The following TUSC3 variants were observed in gnomAD, a reference collection of about 807,000 sequenced individuals.
TUSC3 encodes dolichyl-diphosphooligosaccharide--protein glycosyltransferase subunit TUSC3.
Under a neutral mutation model 44.8 loss-of-function variants are expected in TUSC3, and 45 were observed. The observed-to-expected ratio is 1.00, with a 90% CI of 0.79 to 1.29. The LOEUF is 1.29. TUSC3 is among the 50% of genes most tolerant of loss of function. The pLI is 0.00. For missense variants in TUSC3, 519 were observed against 437.9 expected (o/e 1.19, Z -1.65); for synonymous variants, 212 against 152.9 (o/e 1.39, Z -2.85).
the TUSC3 span, among the ~76,000 whole-genome samples, chr8:15,824,085 T>C: frequency 6.6e-6 from 1 of 152,174 alleles, no homozygotes; most frequent in African/African-American, 2.4e-5. Flanking sequence ...AGCTGCATTT[T>C]AGAAGGAGGA....
chr8:15,823,778 A>G, the TUSC3 span, among the ~76,000 whole-genome samples: 1 of 144,694 alleles, frequency 6.9e-6, no homozygotes, highest in Non-Finnish European at 1.5e-5. Context: ...ACTAAATCAA[A>G]CAGAGACTGG....
chr8:15,444,248 G>A (rs956581025), intron 1 of TUSC3, among the ~76,000 whole-genome samples: 2 of 152,170 alleles, frequency 1.3e-5, no homozygotes, highest in African/African-American at 4.8e-5. Flanking sequence ...TGCTGTTAAA[G>A]ACAAGACTCT....
the TUSC3 span, among the ~76,000 whole-genome samples, chr8:15,833,105 T>C: frequency 3.9e-5 from 6 of 152,026 alleles, no homozygotes; most frequent in African/African-American, 4.8e-5. Flanking sequence ...AGCATATAAG[T>C]AAAAGCTCAA....
At chr8:15,512,931 CATATATATATAT>C (rs10696221) in intron 2 of TUSC3, among the ~76,000 whole-genome samples, 2,507 of 110,548 alleles carry the variant, frequency 0.023, 129 homozygotes, top group African/African-American at 0.096. Context: ...TATATATAAT[CATATATATATAT>C]ATATATATAT....
At chr8:15,480,109 C>G (rs756529044) in intron 1 of TUSC3, among the ~76,000 whole-genome samples, 1 of 152,106 alleles carries the variant, frequency 6.6e-6, no homozygotes, top group Non-Finnish European at 1.5e-5. Context: ...TGAAGGACCT[C>G]TTCAAAGAGA....
chr8:15,772,779 G>A, the TUSC3 span, among the ~76,000 whole-genome samples: 1 of 152,102 alleles, frequency 6.6e-6, no homozygotes, highest in Non-Finnish European at 1.5e-5. Flanking sequence ...AATCCAGCAG[G>A]ATACTAAAAG....
At chr8:15,792,764 C>A in the TUSC3 span, among the ~76,000 whole-genome samples, 25 of 151,982 alleles carry the variant, frequency 1.6e-4, no homozygotes, top group East Asian at 4.9e-3. Context: ...TACAGGTGTG[C>A]ATCACCACCA....
At chr8:15,617,422 G>A (rs2129161854) in intron 1 of TUSC3, among the ~76,000 whole-genome samples, 1 of 152,176 alleles carries the variant, frequency 6.6e-6, no homozygotes, top group Non-Finnish European at 1.5e-5. Context: ...ACAGGCGTGA[G>A]CCACCGCGCC....
intron 9 of TUSC3, among the ~76,000 whole-genome samples, chr8:15,751,210 G>C (rs1329639311): frequency 6.6e-6 from 1 of 152,050 alleles, no homozygotes; most frequent in Non-Finnish European, 1.5e-5. Context: ...GGTAATGGGA[G>C]GTTTATTGGA....
chr8:15,508,190 A>G (rs915471173), intron 2 of TUSC3, among the ~76,000 whole-genome samples: 2 of 152,108 alleles, frequency 1.3e-5, no homozygotes, highest in African/African-American at 4.8e-5. Flanking sequence ...CAGTGAGCCG[A>G]TTTCACGCCA....
chr8:15,736,040 T>G (rs1810924909), intron 7 of TUSC3, among the ~76,000 whole-genome samples: 2 of 152,146 alleles, frequency 1.3e-5, no homozygotes, highest in South Asian at 2.1e-4. Context: ...ATTTCTTTAG[T>G]TATTCTATCG....
intron 1 of TUSC3, among the ~76,000 whole-genome samples, chr8:15,463,098 C>T (rs1019357608): frequency 1.3e-5 from 2 of 151,802 alleles, no homozygotes. Flanking sequence ...CTCTCTGTGT[C>T]TCTCTCTCTG....
intron 2 of TUSC3, among the ~76,000 whole-genome samples, chr8:15,484,890 C>T (rs946546356): frequency 1.3e-5 from 2 of 152,190 alleles, no homozygotes; most frequent in African/African-American, 4.8e-5. Context: ...TTTACATTCT[C>T]ATTTAAAACA....
chr8:15,846,878 A>C, the TUSC3 span, among the ~76,000 whole-genome samples: 1 of 71,010 alleles, frequency 1.4e-5, no homozygotes, highest in African/African-American at 4.6e-5. Context: ...TGATAATTTG[A>C]AAAAAAAAAA....
At chr8:15,845,259 G>A in the TUSC3 span, among the ~76,000 whole-genome samples, 1 of 152,100 alleles carries the variant, frequency 6.6e-6, no homozygotes, top group Non-Finnish European at 1.5e-5. Flanking sequence ...CAACCAGGTA[G>A]CCATGTGACC....
intron 1 of TUSC3, among the ~76,000 whole-genome samples, chr8:15,550,574 G>GC (rs1035032448): frequency 1.3e-5 from 2 of 151,396 alleles, no homozygotes; most frequent in African/African-American, 4.8e-5. Flanking sequence ...CTCCTACCCT[G>GC]CCCCCATCCC....
intron 1 of TUSC3, among the ~76,000 whole-genome samples, chr8:15,582,821 T>G (rs1394458210): frequency 6.6e-6 from 1 of 152,202 alleles, no homozygotes; most frequent in African/African-American, 2.4e-5. Flanking sequence ...CCCCAGAACT[T>G]TACTAGAGCC....
chr8:15,444,571 G>T (rs1423994417), intron 1 of TUSC3, among the ~76,000 whole-genome samples: 2 of 152,118 alleles, frequency 1.3e-5, no homozygotes, highest in African/African-American at 4.8e-5. Flanking sequence ...GGGAATTATG[G>T]CTAAATTGAC....
rs1295933680 is a variant in TUSC3, at chr8:15,540,488, C to T, written c.58C>T (p.Leu20=). Reference sequence around the variant, plus strand: ...GCAAGCGGGGCGGCGGCTGCGGTACCTGCCCACCGGGAGCTTTCCCTTCCT... The same window carrying T: ...GCAAGCGGGGCGGCGGCTGCGGTACTTGCCCACCGGGAGCTTTCCCTTCCT... ...RRQAGRRLRY[L]PTGSFPFLLL... The change falls in exon 1 of 11, where the codon CTG becomes TTG. Residue 20 remains leucine (L), a synonymous_variant. Coordinates refer to ENST00000503731, the MANE Select transcript of TUSC3 (RefSeq NM_006765.4). 2 of 1,608,532 alleles carry T rather than the reference C, an allele frequency of 1.2e-6. No homozygotes were observed. Among genetic ancestry groups the T allele is most frequent in the Non-Finnish European group, 8.5e-7 (1 of 1,178,108 alleles).
Sources: gnomAD v4.1 joint callset for allele counts (sites outside exome capture counted in the v4.1 genomes callset) on GRCh38, gnomAD v4.1.1 for gene constraint, MANE v1.5 for transcripts, NCBI Gene and HGNC (gene_info 2026-07-23, HGNC 2026-07-21) for gene names.